The following EXOC6B variants were observed in gnomAD, a reference collection of about 807,000 sequenced individuals.
EXOC6B encodes the protein SEC15 homolog B.
Under a neutral mutation model 113.5 loss-of-function variants are expected in EXOC6B, and 54 were observed. That is an observed-to-expected ratio of 0.48 (90% confidence interval 0.38 to 0.60). The LOEUF is 0.60. EXOC6B is among the 20% of genes least tolerant of loss of function. EXOC6B has a pLI of 0.00. For missense variants in EXOC6B, 797 were observed against 977.5 expected (o/e 0.82, Z 2.46); for synonymous variants, 357 against 339.0 (o/e 1.05, Z -0.58).
intron 20 of EXOC6B, among the ~76,000 whole-genome samples, chr2:72,270,821 A>T (rs1383730652): frequency 6.6e-6 from 1 of 152,130 alleles, no homozygotes; most frequent in African/African-American, 2.4e-5. Flanking sequence ...AAATGAATAA[A>T]ATTGAATTTC....
intron 18 of EXOC6B, among the ~76,000 whole-genome samples, chr2:72,448,836 G>A (rs982526563): frequency 2.0e-5 from 3 of 152,198 alleles, no homozygotes; most frequent in African/African-American, 7.2e-5. Context: ...TCACTTTAGT[G>A]TAAGCTTCTG....
At chr2:72,500,371 A>C (rs1268033697) in intron 11 of EXOC6B, among the ~76,000 whole-genome samples, 1 of 152,222 alleles carries the variant, frequency 6.6e-6, no homozygotes, top group Non-Finnish European at 1.5e-5. Context: ...AAAACACAAA[A>C]GATTGAAAAT....
chr2:72,326,316 G>A (rs1278057756), intron 20 of EXOC6B, among the ~76,000 whole-genome samples: 6 of 152,096 alleles, frequency 3.9e-5, no homozygotes, highest in Non-Finnish European at 7.4e-5. Context: ...GCATATTCAT[G>A]CTGTATGGTA....
intron 20 of EXOC6B, among the ~76,000 whole-genome samples, chr2:72,191,597 T>C (rs1678837954): frequency 6.6e-6 from 1 of 152,186 alleles, no homozygotes. Context: ...CTGAACAGAC[T>C]TTCTTTTTTG....
At chr2:72,430,519 T>C (rs530578382) in intron 18 of EXOC6B, among the ~76,000 whole-genome samples, 12 of 152,304 alleles carry the variant, frequency 7.9e-5, no homozygotes, top group South Asian at 4.1e-4. Flanking sequence ...TGGTGGCACA[T>C]GCCTGTGATC....
At chr2:72,383,176 C>A (rs551830173) in intron 18 of EXOC6B, among the ~76,000 whole-genome samples, 158 of 152,158 alleles carry the variant, frequency 1.0e-3, no homozygotes, top group African/African-American at 3.8e-3. Context: ...TTCTGCACAG[C>A]AAAATAAACT....
intron 7 of EXOC6B, among the ~76,000 whole-genome samples, chr2:72,562,286 T>A (rs145947037): frequency 3.5e-4 from 53 of 152,086 alleles, no homozygotes; most frequent in African/African-American, 1.3e-3. Flanking sequence ...CTTTCAAAAA[T>A]CTAAATAAAA....
intron 20 of EXOC6B, among the ~76,000 whole-genome samples, chr2:72,224,822 G>GTGTGTGTA (rs1047956193): frequency 5.3e-5 from 8 of 150,400 alleles, no homozygotes; most frequent in South Asian, 2.1e-4. Context: ...GTGTGTGTGC[G>GTGTGTGTA]TGTGTGTATG....
intron 20 of EXOC6B, 26 bp downstream of exon 20, chr2:72,334,921 C>T: frequency 1.2e-6 from 2 of 1,611,000 alleles, no homozygotes; most frequent in Non-Finnish European, 8.5e-7. Context: ...AAAAGAAAAA[C>T]AAAAAACAAA....
chr2:72,607,561 T>C (rs1670826928), intron 6 of EXOC6B, among the ~76,000 whole-genome samples: 1 of 152,190 alleles, frequency 6.6e-6, no homozygotes. Flanking sequence ...TAATACTTAG[T>C]CCAAGTCTTT....
chr2:72,696,480 TTCA>T (rs780954382), intron 6 of EXOC6B, among the ~76,000 whole-genome samples: 24 of 152,196 alleles, frequency 1.6e-4, no homozygotes, highest in Non-Finnish European at 2.6e-4. Flanking sequence ...TGCTGCTTCT[TTCA>T]TCAAGAGATT....
At chr2:72,233,631 C>A (rs144062882) in intron 20 of EXOC6B, among the ~76,000 whole-genome samples, 1 of 152,176 alleles carries the variant, frequency 6.6e-6, no homozygotes, top group African/African-American at 2.4e-5. Context: ...CCTCTACAAG[C>A]CTTAGGTCCT....
intron 6 of EXOC6B, among the ~76,000 whole-genome samples, chr2:72,658,915 TA>T (rs1260243606): frequency 6.6e-6 from 1 of 152,102 alleles, no homozygotes. Flanking sequence ...GATGTCTTTT[TA>T]CAGAAAATTC....
intron 20 of EXOC6B, among the ~76,000 whole-genome samples, chr2:72,231,789 T>C (rs1280264487): frequency 1.3e-5 from 2 of 152,164 alleles, no homozygotes; most frequent in South Asian, 2.1e-4. Flanking sequence ...ATTTTGACTA[T>C]TAGCAAATAT....
chr2:72,286,304 A>G (rs1685411834), intron 20 of EXOC6B, among the ~76,000 whole-genome samples: 1 of 152,218 alleles, frequency 6.6e-6, no homozygotes, highest in African/African-American at 2.4e-5. Flanking sequence ...ATGAAATATT[A>G]TTCAGCACAT....
intron 6 of EXOC6B, among the ~76,000 whole-genome samples, chr2:72,581,149 G>A (rs1705196074): frequency 6.6e-6 from 1 of 152,150 alleles, no homozygotes; most frequent in Non-Finnish European, 1.5e-5. Context: ...GAAAATAAAT[G>A]TCAAAATCAA....
chr2:72,401,707 C>T lies in EXOC6B; in HGVS notation c.1981-21837G>A, dbSNP rs1693345695. On this transcript the variant is annotated intron_variant, in intron 18 of 21. Transcript: ENST00000272427. ...TATATGAAAAAGAATGAAATCATGT[C>T]TTTTCCAGCAACATGGATGGAACTA... is the stretch of plus-strand genomic sequence containing the variant. Among the ~76,000 whole-genome samples, 7 of 119,484 alleles carry T rather than the reference C, an allele frequency of 5.9e-5. No individual in the cohort carries two copies. The South Asian group carries it at 1.8e-3, about 31-fold the overall frequency. 78.4% of individuals were successfully genotyped at this position (119,484 alleles called of 152,430 possible). A position where few individuals can be genotyped will look rare whatever the true frequency, so the allele number is the denominator to read the frequency against.
intron 1 of EXOC6B, among the ~76,000 whole-genome samples, chr2:72,752,966 C>G (rs1288500528): frequency 6.6e-6 from 1 of 152,064 alleles, no homozygotes; most frequent in East Asian, 1.9e-4. Flanking sequence ...TCTTCTCACT[C>G]TTCACATATA....
intron 18 of EXOC6B, among the ~76,000 whole-genome samples, chr2:72,459,659 G>A (rs2105392346): frequency 6.6e-6 from 1 of 152,184 alleles, no homozygotes; most frequent in South Asian, 2.1e-4. Context: ...GGATGTGAAG[G>A]ACCTCTTCAA....
Sources: gnomAD v4.1 joint callset for allele counts (sites outside exome capture counted in the v4.1 genomes callset) on GRCh38, gnomAD v4.1.1 for gene constraint, MANE v1.5 for transcripts, NCBI Gene and HGNC (gene_info 2026-07-23, HGNC 2026-07-21) for gene names.